ACD: variants seen among roughly 807,000 people sequenced by gnomAD.
ACD encodes adrenocortical dysplasia protein homolog.
Under a neutral mutation model 53.9 loss-of-function variants are expected in ACD, and 39 were observed. That is an observed-to-expected ratio of 0.72 (90% confidence interval 0.56 to 0.95). The LOEUF (loss-of-function observed/expected upper bound fraction) is 0.95. Among genes scored for constraint, ACD ranks in the 40% least tolerant of loss-of-function variants. The pLI, the probability that ACD is intolerant of heterozygous loss-of-function variation, is 0.00. For synonymous variants in ACD, 273 were observed against 249.2 expected, an observed-to-expected ratio of 1.10 and a Z score of -0.90; for missense variants, 526 against 587.9, an observed-to-expected ratio of 0.89 and a Z score of 1.09.
In ACD at chr16:67,658,601, T is replaced by C; in HGVS notation, c.783A>G (p.Leu261=). The change falls in exon 9 of 12, where the codon CTA becomes CTG. Residue 261 remains leucine, a synonymous_variant. Transcript: ENST00000620761. The stretch of plus-strand genomic sequence containing the variant: ...GAGGAGAGGCTATGAGGGTCAGAGA[T>C]AGGTCCTGCAGAGCCGGGTCTGGTG... ...LPPPDPALQD[L]SLTLIASPPS... 1 of 1,575,704 alleles carries C rather than the reference T, an allele frequency of 6.3e-7. No individual in the cohort carries two copies. The highest frequency in any genetic ancestry group is 8.6e-7 in the Non-Finnish European group (1 of 1,159,440).
chr16:67,659,102 T>G lies in ACD; in HGVS notation c.494-23A>C, dbSNP rs554250511. ...GGCCTGGGGACAGGGGACCATGGGA[T>G]GAGTCAAGGCTTAAAGGGGAGGACC... On this transcript the variant is annotated intron_variant, in intron 6 of 11. Transcript: ENST00000620761. The G allele has an allele frequency of 2.9e-4, 475 of 1,612,872 alleles. 4 individuals are homozygous for G. The South Asian group carries it at 5.0e-3, about 17-fold the overall frequency.
Position 67,659,387 on chromosome 16 carries a change from T to G in ACD, c.446A>C (p.Tyr149Ser), listed in dbSNP as rs200909340. The change falls in exon 5 of 12, where the codon TAT becomes TCT. Residue 149 changes from tyrosine to serine, a missense_variant. Transcript: ENST00000620761. ...NQDLDVQKKL[Y>S]DCLEEHLSES... ...ACCCCAGACTCACTCAAGGCAGTCA[T>G]AGAGCTTTTTCTGAACATCTAAGTC... The G allele has an allele frequency of 3.7e-6, 6 of 1,613,912 alleles. No homozygotes were observed. In the East Asian group the frequency reaches 1.3e-4, roughly 36 times the overall value.
At chr16:67,658,846 C>T (rs2052933233) in intron 7 of ACD, 30 bp from the exon 8 acceptor site, 1 of 1,602,070 alleles carries the variant, frequency 6.2e-7, no homozygotes, top group Admixed American at 1.7e-5. Flanking sequence ...TAGGACAGGC[C>T]CGTTTACTCT....
Position 67,657,692 on chromosome 16 carries a change from G to T in ACD, c.1299-8C>A, listed in dbSNP as rs1567639373. 1.2e-6 allele frequency: 2 copies of T among 1,614,138 alleles called. No individual in the cohort carries two copies. The highest frequency in any genetic ancestry group is 1.7e-6 in the Non-Finnish European group (2 of 1,180,034). ...ATGAGCTGGGGAGGAAGCCTGGAAAGAAACCACCGCTGCAGGTCAATGGAG... is the reference window on the plus strand; with the variant it reads ...ATGAGCTGGGGAGGAAGCCTGGAAATAAACCACCGCTGCAGGTCAATGGAG... On this transcript the variant is annotated splice_polypyrimidine_tract_variant and splice_region_variant and intron_variant, in intron 11 of 11. Transcript: ENST00000620761. This position sits in a 1 kb window ranked among gnomAD's most constrained non-coding sequence, Gnocchi z 4.5.
In ACD at chr16:67,658,375, G is replaced by T; in HGVS notation, c.830-13C>A. On this transcript the variant is annotated splice_polypyrimidine_tract_variant and intron_variant, in intron 9 of 11. Coordinates refer to ENST00000620761, the MANE Select transcript of ACD (RefSeq NM_001082486.2). Reference sequence around the variant, plus strand: ...AAGGCCGGGGTTCCTGAGGAGGAGGGGACTTATTGTAGGCACAGCCCTCTC... The same window carrying T: ...AAGGCCGGGGTTCCTGAGGAGGAGGTGACTTATTGTAGGCACAGCCCTCTC... 1 of 1,613,424 alleles carries T rather than the reference G, an allele frequency of 6.2e-7. No individual in the cohort carries two copies. Among genetic ancestry groups the T allele is most frequent in the Non-Finnish European group, 8.5e-7 (1 of 1,179,874 alleles).
Position 67,657,668 on chromosome 16 carries a change from T to C in ACD, c.1315A>G (p.Met439Val). 1 of 1,614,054 alleles carries C rather than the reference T, an allele frequency of 6.2e-7. No homozygotes were observed. The highest frequency in any genetic ancestry group is 8.5e-7 in the Non-Finnish European group (1 of 1,179,948). The change falls in exon 12 of 12, where the codon ATG becomes GTG. Residue 439 changes from methionine (M) to valine (V), a missense_variant. Transcript: ENST00000620761. The surrounding 1 kb of genome is among the most constrained non-coding windows in gnomAD (Gnocchi z 4.5). The stretch of plus-strand genomic sequence containing the variant: ...ATCAGAAAGTGCAAGGCCCAGGCCA[T>C]GAGCTGGGGAGGAAGCCTGGAAAGA... Reference protein sequence around the residue: ...VQAVRLPPQLMAWALHFLMDA... With the variant: ...VQAVRLPPQLVAWALHFLMDA...
At position 67,658,645 on chromosome 16, in the gene ACD, G is replaced by T. The variant is rs1455941784; in HGVS notation, c.743-4C>A. Reference sequence around the variant, plus strand: ...TCTGGTGGGGGCAGCTCAGGGCCTGGGGGGTTCAGGAAGTCTTATCAGCAC... The same window carrying T: ...TCTGGTGGGGGCAGCTCAGGGCCTGTGGGGTTCAGGAAGTCTTATCAGCAC... On this transcript the variant is annotated splice_region_variant and splice_polypyrimidine_tract_variant and intron_variant, in intron 8 of 11. Coordinates refer to ENST00000620761, the MANE Select transcript of ACD (RefSeq NM_001082486.2). The T allele has an allele frequency of 2.5e-6, 4 of 1,580,132 alleles. No homozygotes were observed. In the Admixed American group the frequency reaches 5.3e-5, roughly 21 times the overall value.
At position 67,659,612 on chromosome 16, in the gene ACD, G is replaced by T. The variant is rs2052958768; in HGVS notation, c.338C>A (p.Pro113His). 1 of 1,613,446 alleles carries T rather than the reference G, an allele frequency of 6.2e-7. No individual in the cohort carries two copies. The highest frequency in any genetic ancestry group is 8.5e-7 in the Non-Finnish European group (1 of 1,179,988). The change falls in exon 4 of 12, where the codon CCC (proline) becomes CAC (histidine). Residue 113 changes from proline (P) to histidine (H), a missense_variant and splice_region_variant. Coordinates refer to ENST00000620761, the MANE Select transcript of ACD (RefSeq NM_001082486.2). ...VHVQVAEGGAPAEFYLQVDRF... is the reference protein window; with the variant it reads ...VHVQVAEGGAHAEFYLQVDRF... ...GTCCACCTGGAGATAGAACTCTGCG[G>T]GCTGGAGGAGTTCGGGGGGAAGGGG...
At position 67,659,389 on chromosome 16, in the gene ACD, G is replaced by A. The variant is rs151132164; in HGVS notation, c.444C>T (p.Leu148=). 1.4e-4 allele frequency: 231 copies of A among 1,614,052 alleles called. No individual in the cohort carries two copies. In the African/African-American group the frequency reaches 2.7e-3, roughly 19 times the overall value. ...CNQDLDVQKK[L]YDCLEEHLSE... ...CCCAGACTCACTCAAGGCAGTCATA[G>A]AGCTTTTTCTGAACATCTAAGTCTT... is the stretch of plus-strand genomic sequence containing the variant. The change falls in exon 5 of 12, where the codon CTC becomes CTT. Residue 148 remains leucine (L), a synonymous_variant. Transcript: ENST00000620761.
chr16:67,657,828 C>T lies in ACD; in HGVS notation c.1232G>A (p.Gly411Asp). 6.2e-7 allele frequency: 1 copy of T among 1,614,132 alleles called. No individual in the cohort carries two copies. Among genetic ancestry groups the T allele is most frequent in the South Asian group, 1.1e-5 (1 of 91,086 alleles). ...VWEPPKRHRD[G>D]SAFQYEYEPP... Reference sequence around the variant, plus strand: ...CTCATACTCATACTGGAAGGCAGAACCATCACGATGCCTCTTTGGGGGTTC... The same window carrying T: ...CTCATACTCATACTGGAAGGCAGAATCATCACGATGCCTCTTTGGGGGTTC... Residue 411 changes from glycine (G) to aspartate (D), a missense_variant, in exon 11 of 12, where the codon GGT becomes GAT. Gly to Asp is a moderately conservative substitution (Grantham distance 94). Transcript: ENST00000620761. This position sits in a 1 kb window ranked among gnomAD's most constrained non-coding sequence, Gnocchi z 4.5.
At position 67,659,771 on chromosome 16, in the gene ACD, G is replaced by C. The variant is rs752200943; in HGVS notation, c.267C>G (p.Arg89=). ...GCAGCAGCAGCCGGCCCTCTGTCCCGCGGAAGCCGAACTCCTTCTCCTCCC... is the reference window on the plus strand; with the variant it reads ...GCAGCAGCAGCCGGCCCTCTGTCCCCCGGAAGCCGAACTCCTTCTCCTCCC... The part of the protein sequence containing the change: ...SDWEEKEFGF[R]GTEGRLLLLQ... The change falls in exon 3 of 12, where the codon CGC becomes CGG. Residue 89 remains arginine (R), a synonymous_variant. Coordinates refer to ENST00000620761, the MANE Select transcript of ACD (RefSeq NM_001082486.2). 1 of 1,610,458 alleles carries C rather than the reference G, an allele frequency of 6.2e-7. No individual in the cohort carries two copies. Among genetic ancestry groups the C allele is most frequent in the African/African-American group, 1.3e-5 (1 of 74,968 alleles).
Position 67,659,536 on chromosome 16 carries a change from C to G in ACD, c.413+1G>C, listed in dbSNP as rs767285943. On this transcript the variant is annotated splice_donor_variant, in intron 4 of 11. Coordinates refer to ENST00000620761, the MANE Select transcript of ACD (RefSeq NM_001082486.2). LOFTEE classifies it high-confidence loss of function. ...TGCTGGAGGGCGGAGGCATCACTTA[C>G]CAACCAGGCACCCGTAGCCGGGGCT... is the stretch of plus-strand genomic sequence containing the variant. 8 of 1,613,122 alleles carry G rather than the reference C, an allele frequency of 5.0e-6. No homozygotes were observed. The highest frequency in any genetic ancestry group is 6.8e-6 in the Non-Finnish European group (8 of 1,179,424).
In ACD at chr16:67,660,034, G is replaced by C. The variant is rs1268085943; in HGVS notation, c.111C>G (p.Asp37Glu). 1 of 1,607,298 alleles carries C rather than the reference G, an allele frequency of 6.2e-7. No homozygotes were observed. The change falls in exon 2 of 12, where the codon GAC becomes GAG. Residue 37 changes from aspartate to glutamate, a missense_variant. Transcript: ENST00000620761. ...ATGGGCCCGCGACCGCGGCCTCGGC[G>C]TCCTGTAGTACCTGACGGCGGCGAG... ...RAGQLLEVLQDAEAAVAGPSH... is the reference protein window; with the variant it reads ...RAGQLLEVLQEAEAAVAGPSH...
Position 67,658,810 on chromosome 16 carries a change from C to A in ACD, c.652G>T (p.Ala218Ser). 6.2e-7 allele frequency: 1 copy of A among 1,611,196 alleles called. No homozygotes were observed. Residue 218 changes from alanine (A) to serine (S), a missense_variant, in exon 8 of 12, where the codon GCT becomes TCT. Ala to Ser is a moderately conservative substitution (Grantham distance 99, BLOSUM62 1). Transcript: ENST00000620761. ...AASRCKATGE[A>S]VYTVPSSMLC... is the part of the protein sequence containing the mutation. ...ATTGAGCTGGGGACAGTGTACACAGCTTCTCCCTGTGGGACATGAACTCTG... is the reference window on the plus strand; with the variant it reads ...ATTGAGCTGGGGACAGTGTACACAGATTCTCCCTGTGGGACATGAACTCTG...
rs768831097 is a variant in ACD at position 67,657,629 on chromosome 16, C to G, written c.1354G>C (p.Gly452Arg). The G allele has an allele frequency of 1.2e-6, 2 of 1,614,076 alleles. No homozygotes were observed. The highest frequency in any genetic ancestry group is 2.7e-5 in the African/African-American group (2 of 74,938). ...ALHFLMDAQP[G>R]SEPTPM ...TCTCACATCGGAGTTGGCTCAGACC[C>G]TGGCTGTGCATCCATCAGAAAGTGC... The change falls in exon 12 of 12, where the codon GGG becomes CGG. Residue 452 changes from glycine to arginine, a missense_variant. Gly to Arg is a moderately radical substitution (Grantham distance 125, BLOSUM62 -2). Coordinates refer to ENST00000620761, the MANE Select transcript of ACD (RefSeq NM_001082486.2). This position sits in a 1 kb window ranked among gnomAD's most constrained non-coding sequence, Gnocchi z 4.5.
Position 67,657,903 on chromosome 16 carries a change from A to G in ACD, c.1207-50T>C, listed in dbSNP as rs2052904074. On this transcript the variant is annotated intron_variant, in intron 10 of 11. Coordinates refer to ENST00000620761, the MANE Select transcript of ACD (RefSeq NM_001082486.2). The surrounding 1 kb of genome is among the most constrained non-coding windows in gnomAD (Gnocchi z 4.5). ...AAGAGCTAACAAGGACCCCAACCCC[A>G]TCCAAGGCTACCCATGCTCCCTCCC... The G allele has an allele frequency of 6.2e-7, 1 of 1,612,754 alleles. No homozygotes were observed. Among genetic ancestry groups the G allele is most frequent in the Non-Finnish European group, 8.5e-7 (1 of 1,179,404 alleles).
chr16:67,659,649 T>C (rs1428033667), intron 3 of ACD, 36 bp from the exon 4 acceptor site: 1 of 1,612,886 alleles, frequency 6.2e-7, no homozygotes, highest in South Asian at 1.1e-5. Context: ...GGTCTCAGAA[T>C]CGTCACGAAG....
At position 67,659,902 on chromosome 16, in the gene ACD, C is replaced by G. The variant is rs2052968572; in HGVS notation, c.242+1G>C. 6.3e-7 allele frequency: 1 copy of G among 1,591,276 alleles called. No individual in the cohort carries two copies. Among genetic ancestry groups the G allele is most frequent in the African/African-American group, 1.3e-5 (1 of 74,700 alleles). On this transcript the variant is annotated splice_donor_variant, in intron 2 of 11. Coordinates refer to ENST00000620761, the MANE Select transcript of ACD (RefSeq NM_001082486.2). LOFTEE classifies it high-confidence loss of function. ...CTCCAGAGCCGCGCGGGGCCTCTCA[C>G]CAGTCCGAGGTGTCCAGGGCCTCCC... is the stretch of plus-strand genomic sequence containing the variant.
Position 67,659,742 on chromosome 16 carries a change from T to TGCA in ACD, c.293_295dup (p.Leu98dup), listed in dbSNP as rs749685291. On this transcript the variant is annotated inframe_insertion, in exon 3 of 12. Coordinates refer to ENST00000620761, the MANE Select transcript of ACD (RefSeq NM_001082486.2). The stretch of plus-strand genomic sequence containing the variant: ...GACCTGGACATGAACCCCGCAGTCC[T>TGCA]GCAGCAGCAGCAGCCGGCCCTCTGT... 1.9e-6 allele frequency: 3 copies of TGCA among 1,612,920 alleles called. No homozygotes were observed. Among genetic ancestry groups the TGCA allele is most frequent in the Non-Finnish European group, 2.5e-6 (3 of 1,179,634 alleles).
Sources: allele counts gnomAD v4.1 joint callset, GRCh38; gene constraint gnomAD v4.1.1; non-coding constraint Gnocchi (gnomAD v3.1); transcripts MANE v1.5; gene names NCBI Gene and HGNC (gene_info 2026-07-23, HGNC 2026-07-21).